SGCZ: variants seen among roughly 807,000 people sequenced by gnomAD.
SGCZ encodes sarcoglycan zeta, also known as zeta-sarcoglycan.
Under a neutral mutation model 41.3 loss-of-function variants are expected in SGCZ, and 40 were observed. That is an observed-to-expected ratio of 0.97 (90% CI 0.75 to 1.26). SGCZ has a LOEUF of 1.26. Ranked by LOEUF, SGCZ falls within the 50% of genes most tolerant of loss-of-function variation. The pLI is 0.00. For missense variants in SGCZ, 552 were observed against 369.8 expected, an observed-to-expected ratio of 1.49 and a Z score of -4.04; for synonymous variants, 206 against 137.5, an observed-to-expected ratio of 1.50 and a Z score of -3.49.
At chr8:15,071,908 G>C (rs970891718) in intron 1 of SGCZ, among the ~76,000 whole-genome samples, 5 of 152,126 alleles carry the variant, frequency 3.3e-5, no homozygotes, top group Non-Finnish European at 7.4e-5. Context: ...GACAAACAGT[G>C]GGGAACTATA....
intron 1 of SGCZ, among the ~76,000 whole-genome samples, chr8:14,636,990 A>G (rs1263950212): frequency 1.3e-5 from 2 of 151,890 alleles, no homozygotes; most frequent in African/African-American, 4.8e-5. Flanking sequence ...TTTCCAAAAC[A>G]CGACTCTCAT....
intron 5 of SGCZ, among the ~76,000 whole-genome samples, chr8:14,130,790 A>G (rs1803017143): frequency 6.6e-6 from 1 of 152,212 alleles, no homozygotes; most frequent in South Asian, 2.1e-4. Flanking sequence ...CGTACCTGGA[A>G]GGCAGGTATG....
At chr8:14,845,965 A>G (rs1803086725) in intron 1 of SGCZ, among the ~76,000 whole-genome samples, 1 of 152,202 alleles carries the variant, frequency 6.6e-6, no homozygotes, top group South Asian at 2.1e-4. Context: ...TCTTGATGAT[A>G]AACGGGTCAG....
At chr8:14,362,319 G>A (rs1467408196) in intron 2 of SGCZ, among the ~76,000 whole-genome samples, 1 of 152,204 alleles carries the variant, frequency 6.6e-6, no homozygotes, top group Non-Finnish European at 1.5e-5. Flanking sequence ...TTGCTGAGCT[G>A]TAGGGGCTCT....
intron 1 of SGCZ, among the ~76,000 whole-genome samples, chr8:14,934,315 G>A (rs1800016621): frequency 6.6e-6 from 1 of 151,894 alleles, no homozygotes; most frequent in Admixed American, 6.6e-5. Context: ...AAATATATGT[G>A]TCTGTAATTA....
rs775444301 is a variant in SGCZ, at chr8:14,222,792, A to ATTTTTTTTTTTTTT, written c.424+14786_424+14799dup. On this transcript the variant is annotated intron_variant, in intron 4 of 7. Transcript: ENST00000382080. ...ATTCCACCCTCTCTCAGTCACAGTG[A>ATTTTTTTTTTTTTT]TTTTTTTTTTTTTTTTTTTTTTTTT... Among the ~76,000 whole-genome samples the ATTTTTTTTTTTTTT allele has an allele frequency of 1.4e-4, 7 of 48,896 alleles. 1 individual carries two copies. The highest frequency in any genetic ancestry group is 6.4e-4 in the African/African-American group (7 of 11,006). 32.1% of individuals were successfully genotyped at this position (48,896 alleles called of 152,430 possible). A position where few individuals can be genotyped will look rare whatever the true frequency, so the allele number is the denominator to read the frequency against.
chr8:14,144,299 T>C (rs1407141021), intron 5 of SGCZ, among the ~76,000 whole-genome samples: 2 of 152,108 alleles, frequency 1.3e-5, no homozygotes, highest in African/African-American at 2.4e-5. Context: ...CACAGCAAGA[T>C]AAGTCATAGT....
At chr8:14,571,307 G>A (rs1000514231) in intron 1 of SGCZ, among the ~76,000 whole-genome samples, 1 of 152,210 alleles carries the variant, frequency 6.6e-6, no homozygotes, top group Non-Finnish European at 1.5e-5. Context: ...TACAGTTTGA[G>A]AAGAGATTTG....
chr8:14,513,357 C>T (rs1418895686), intron 2 of SGCZ, among the ~76,000 whole-genome samples: 3 of 151,676 alleles, frequency 2.0e-5, no homozygotes, highest in Non-Finnish European at 4.4e-5. Flanking sequence ...AGTTTAAACA[C>T]GAAAAAGTAT....
intron 1 of SGCZ, among the ~76,000 whole-genome samples, chr8:15,115,382 A>T (rs940615377): frequency 1.3e-5 from 2 of 152,250 alleles, no homozygotes; most frequent in African/African-American, 4.8e-5. Context: ...CTATGAGGAC[A>T]TGACTGTTGG....
chr8:14,769,991 T>C (rs1800183175), intron 1 of SGCZ, among the ~76,000 whole-genome samples: 1 of 151,790 alleles, frequency 6.6e-6, no homozygotes, highest in Non-Finnish European at 1.5e-5. Flanking sequence ...CCACTCGTGG[T>C]TCCTGAATAT....
intron 1 of SGCZ, among the ~76,000 whole-genome samples, chr8:14,658,469 T>C (rs1391129898): frequency 6.6e-6 from 1 of 152,130 alleles, no homozygotes; most frequent in Non-Finnish European, 1.5e-5. Context: ...GCACCTGCTA[T>C]TCCTACCAGA....
intron 1 of SGCZ, among the ~76,000 whole-genome samples, chr8:14,847,128 AG>A (rs1699035042): frequency 1.4e-5 from 1 of 71,006 alleles, no homozygotes; most frequent in African/African-American, 7.4e-5. Context: ...AGAAGAAGAA[AG>A]AAGAAGAAGA....
At chr8:14,755,023 C>A (rs1218148310) in intron 1 of SGCZ, among the ~76,000 whole-genome samples, 1 of 152,176 alleles carries the variant, frequency 6.6e-6, no homozygotes, top group Non-Finnish European at 1.5e-5. Flanking sequence ...AGACACTGCA[C>A]CTGGCCTGGA....
chr8:14,444,102 C>G (rs1800356755), intron 2 of SGCZ, among the ~76,000 whole-genome samples: 2 of 152,062 alleles, frequency 1.3e-5, no homozygotes, highest in South Asian at 4.1e-4. Context: ...CAAATCAAAA[C>G]CACAATGAGA....
intron 1 of SGCZ, among the ~76,000 whole-genome samples, chr8:14,798,505 G>A (rs1801211291): frequency 6.6e-6 from 1 of 152,084 alleles, no homozygotes; most frequent in Non-Finnish European, 1.5e-5. Flanking sequence ...CATGAAGATG[G>A]TTATTAACAG....
At chr8:14,703,806 A>C (rs1809245111) in intron 1 of SGCZ, among the ~76,000 whole-genome samples, 1 of 151,974 alleles carries the variant, frequency 6.6e-6, no homozygotes, top group Non-Finnish European at 1.5e-5. Flanking sequence ...TTAGTTATTA[A>C]TCTGAAAACT....
chr8:15,166,240 T>C (rs923678381), intron 1 of SGCZ, among the ~76,000 whole-genome samples: 2 of 151,446 alleles, frequency 1.3e-5, no homozygotes, highest in Admixed American at 6.6e-5. Flanking sequence ...TCCTTTTTTT[T>C]TTCTTTTTTT....
At chr8:15,032,693 A>G (rs1803719460) in intron 1 of SGCZ, among the ~76,000 whole-genome samples, 1 of 152,092 alleles carries the variant, frequency 6.6e-6, no homozygotes, top group Non-Finnish European at 1.5e-5. Context: ...CAGCCCCCAG[A>G]GATTCAGATG....
Sources: gnomAD v4.1 joint callset for allele counts (sites outside exome capture counted in the v4.1 genomes callset) on GRCh38, gnomAD v4.1.1 for gene constraint, MANE v1.5 for transcripts, NCBI Gene and HGNC (gene_info 2026-07-23, HGNC 2026-07-21) for gene names.